FYN: variants seen among roughly 807,000 people sequenced by gnomAD.
FYN encodes the protein tyrosine-protein kinase Fyn.
Under a neutral mutation model 70.2 loss-of-function variants are expected in FYN, and 10 were observed. That is an observed-to-expected ratio of 0.14 (90% CI 0.09 to 0.24). The LOEUF (loss-of-function observed/expected upper bound fraction) is 0.24, where lower values mean the gene tolerates loss of function less well. FYN is among the 10% of genes least tolerant of loss of function. The pLI, the probability that FYN is intolerant of heterozygous loss-of-function variation, is 1.00. For missense variants in FYN, 319 were observed against 673.1 expected (o/e 0.47, Z 5.82); for synonymous variants, 236 against 248.6 (o/e 0.95, Z 0.48).
At chr6:111,707,879 C>G in intron 6 of FYN, 43 bp downstream of exon 6, 1 of 1,464,840 alleles carries the variant, frequency 6.8e-7, no homozygotes, top group Non-Finnish European at 9.6e-7. Context: ...CGGCAATCAA[C>G]TTTTAAAATC....
intron 5 of FYN, among the ~76,000 whole-genome samples, chr6:111,709,495 A>G (rs1433557903): frequency 6.6e-6 from 1 of 152,220 alleles, no homozygotes; most frequent in Admixed American, 6.5e-5. Flanking sequence ...TGGCATAAGT[A>G]ACAGAATAGC....
rs771620083 is a variant in FYN at position 111,700,096 on chromosome 6, C to T, written c.862+8G>A. 4.2e-5 allele frequency: 67 copies of T among 1,613,514 alleles called. 1 individual carries two copies. The East Asian group carries it at 1.5e-3, about 35-fold the overall frequency. ...AGCTAATAAGAGAGTAATTGAGTCT[C>T]AGCATACCCATCCATACTTCCCCAA... On this transcript the variant is annotated splice_region_variant and intron_variant, in intron 9 of 13. Coordinates refer to ENST00000354650, the MANE Select transcript of FYN (RefSeq NM_002037.5).
At chr6:111,850,861 C>G (rs1366965417) in intron 1 of FYN, among the ~76,000 whole-genome samples, 1 of 152,196 alleles carries the variant, frequency 6.6e-6, no homozygotes, top group Non-Finnish European at 1.5e-5. Flanking sequence ...GAGACAGGAC[C>G]CAGCTCAGAC....
chr6:111,772,056 G>A (rs188105152), intron 3 of FYN, among the ~76,000 whole-genome samples: 1 of 152,288 alleles, frequency 6.6e-6, no homozygotes, highest in East Asian at 1.9e-4. Context: ...GGGTGACCTT[G>A]GGCAAGTCAC....
chr6:111,673,644 TTAAGCTCC>T (rs1798407572), intron 13 of FYN, among the ~76,000 whole-genome samples: 1 of 150,244 alleles, frequency 6.7e-6, no homozygotes, highest in African/African-American at 2.4e-5. Flanking sequence ...TTTTTTTTCT[TTAAGCTCC>T]TTTCTTACGC....
At chr6:111,845,344 A>AGGTGG (rs1773495785) in intron 2 of FYN, among the ~76,000 whole-genome samples, 1 of 152,242 alleles carries the variant, frequency 6.6e-6, no homozygotes, top group Non-Finnish European at 1.5e-5. Flanking sequence ...TTCCACAGCC[A>AGGTGG]AAACCTGAGT....
rs533231373 is a variant in FYN at position 111,743,080 on chromosome 6, C to G, written c.-11-23018G>C. Among the ~76,000 whole-genome samples the G allele has an allele frequency of 4.6e-5, 7 of 151,932 alleles. No individual in the cohort carries two copies. The East Asian group carries it at 1.4e-3, about 29-fold the overall frequency. ...CTCCCGGTTTCAAGCAATTCTCCTG[C>G]CTCAGCCTCCCGAGTAGCTGGAACT... is the stretch of plus-strand genomic sequence containing the variant. On this transcript the variant is annotated intron_variant, in intron 3 of 13. Coordinates refer to ENST00000354650, the MANE Select transcript of FYN (RefSeq NM_002037.5).
intron 3 of FYN, among the ~76,000 whole-genome samples, chr6:111,772,146 A>T (rs1258485256): frequency 6.6e-6 from 1 of 152,194 alleles, no homozygotes; most frequent in Non-Finnish European, 1.5e-5. Context: ...CCTAGCATGT[A>T]GTAAATGCTT....
intron 3 of FYN, among the ~76,000 whole-genome samples, chr6:111,770,830 G>A (rs1803421289): frequency 6.6e-6 from 1 of 152,058 alleles, no homozygotes; most frequent in Non-Finnish European, 1.5e-5. Context: ...TCCAGAATTG[G>A]GAGCATGAGA....
At chr6:111,730,554 T>C (rs948448710) in intron 3 of FYN, among the ~76,000 whole-genome samples, 1 of 152,150 alleles carries the variant, frequency 6.6e-6, no homozygotes, top group Non-Finnish European at 1.5e-5. Context: ...CTTTTGTTCT[T>C]TGGATGCCAA....
intron 9 of FYN, among the ~76,000 whole-genome samples, chr6:111,698,176 AGT>A (rs1562477648): frequency 7.3e-5 from 11 of 151,540 alleles, no homozygotes; most frequent in African/African-American, 2.7e-4. Flanking sequence ...CCCAGGCTGG[AGT>A]GCAATGGTGC....
At chr6:111,793,881 T>C (rs964162517) in intron 2 of FYN, 2 of 152,162 alleles carry the variant, frequency 1.3e-5, no homozygotes, top group Non-Finnish European at 2.9e-5. Context: ...ACACTTTTGT[T>C]CTCTTGGACC....
chr6:111,703,799 A>G (rs1196919037), intron 7 of FYN, among the ~76,000 whole-genome samples, 200 bp downstream of exon 7: 1 of 152,170 alleles, frequency 6.6e-6, no homozygotes, highest in Non-Finnish European at 1.5e-5. Flanking sequence ...GAAGGTCTTG[A>G]TTTGGGGCCT....
chr6:111,662,349 G>C (rs964127240), intron 13 of FYN, among the ~76,000 whole-genome samples: 3 of 152,138 alleles, frequency 2.0e-5, no homozygotes, highest in Non-Finnish European at 4.4e-5. Flanking sequence ...AGGGTCAACG[G>C]GTCAACAAAC....
intron 12 of FYN, among the ~76,000 whole-genome samples, chr6:111,681,038 T>C (rs567244583): frequency 2.0e-5 from 3 of 151,224 alleles, no homozygotes; most frequent in Non-Finnish European, 4.4e-5. Context: ...TTTAATTTTT[T>C]TTTTTTTTTG....
chr6:111,827,441 C>A (rs1392826381), intron 2 of FYN, among the ~76,000 whole-genome samples: 1 of 152,134 alleles, frequency 6.6e-6, no homozygotes, highest in Non-Finnish European at 1.5e-5. Flanking sequence ...GTCCCTAAAA[C>A]CATTCCGGCT....
Position 111,860,164 on chromosome 6 carries a change from G to T in FYN, c.-123+12804C>A, listed in dbSNP as rs545719368. On this transcript the variant is annotated intron_variant, in intron 1 of 13. Coordinates refer to ENST00000354650, the MANE Select transcript of FYN (RefSeq NM_002037.5). ...GGACTATGACAGAAAATGTTCTCTT[G>T]TGTTAAGCCGAGTTTGTGGGAATTT... 3.3e-5 allele frequency among the ~76,000 whole-genome samples: 5 copies of T among 152,256 alleles called. No individual in the cohort carries two copies. In the South Asian group the frequency reaches 1.0e-3, roughly 32 times the overall value.
chr6:111,858,062 T>G (rs1014827030), intron 1 of FYN, among the ~76,000 whole-genome samples: 1 of 152,196 alleles, frequency 6.6e-6, no homozygotes, highest in Non-Finnish European at 1.5e-5. Flanking sequence ...ATTCTGACCC[T>G]AGATATCTCA....
At chr6:111,667,226 C>T (rs528665866) in intron 13 of FYN, among the ~76,000 whole-genome samples, 2 of 151,960 alleles carry the variant, frequency 1.3e-5, no homozygotes, top group African/African-American at 2.4e-5. Context: ...TCCCTTTTTC[C>T]TTTTAGATTC....
Sources: allele counts gnomAD v4.1 joint callset (sites outside exome capture counted in the v4.1 genomes callset), GRCh38; gene constraint gnomAD v4.1.1; transcripts MANE v1.5; gene names NCBI Gene and HGNC (gene_info 2026-07-23, HGNC 2026-07-21).